The following CDH13 variants were observed in gnomAD, a reference collection of about 807,000 sequenced individuals.
CDH13 encodes cadherin 13.
A neutral mutation model predicts 63.8 loss-of-function variants in CDH13; 24 were observed. The ratio of observed to expected loss-of-function variants is 0.38; its 90% CI spans 0.27 to 0.53. CDH13 has a LOEUF of 0.53. Ranked by LOEUF, CDH13 falls within the 20% of genes least tolerant of loss-of-function variation. The pLI is 0.85. For missense variants in CDH13, 1,049 were observed against 903.1 expected (o/e 1.16, Z -2.07); for synonymous variants, 503 against 355.3 (o/e 1.42, Z -4.67).
chr16:82,705,480 A>C (rs1312087133), intron 1 of CDH13, among the ~76,000 whole-genome samples: 5 of 152,194 alleles, frequency 3.3e-5, no homozygotes, highest in African/African-American at 1.2e-4. Flanking sequence ...TCCCCATCTG[A>C]ATCTTTACTC....
chr16:83,496,688 G>A (rs2074152949), intron 7 of CDH13, among the ~76,000 whole-genome samples: 1 of 152,176 alleles, frequency 6.6e-6, no homozygotes, highest in Non-Finnish European at 1.5e-5. Context: ...AAGAGCTTCT[G>A]CACAGCAAAA....
chr16:83,698,145 A>G (rs1905670543), intron 10 of CDH13, among the ~76,000 whole-genome samples: 1 of 152,236 alleles, frequency 6.6e-6, no homozygotes, highest in South Asian at 2.1e-4. Context: ...TTGCAAATAA[A>G]TTATTTCCAA....
At chr16:83,524,759 AT>A (rs2074921098) in intron 7 of CDH13, among the ~76,000 whole-genome samples, 1 of 152,062 alleles carries the variant, frequency 6.6e-6, no homozygotes, top group Non-Finnish European at 1.5e-5. Flanking sequence ...GCCAAATTGC[AT>A]GTCTTAACAC....
At chr16:82,718,501 A>C (rs1450394025) in intron 1 of CDH13, among the ~76,000 whole-genome samples, 1 of 152,182 alleles carries the variant, frequency 6.6e-6, no homozygotes, top group Non-Finnish European at 1.5e-5. Context: ...TTAAGGAAGG[A>C]AACAGAAAGT....
chr16:83,239,366 C>G lies in CDH13; in HGVS notation c.636+21869C>G, dbSNP rs536911290. ...GAGAGAGGGGAAAGCCCTTTCTAAA[C>G]ACAGATTATACACCAAAGGCAATTA... On this transcript the variant is annotated intron_variant, in intron 5 of 13. Coordinates refer to ENST00000567109, the MANE Select transcript of CDH13 (RefSeq NM_001257.5). Among the ~76,000 whole-genome samples the G allele has an allele frequency of 3.3e-5, 5 of 152,308 alleles. No homozygotes were observed. The South Asian group carries it at 8.3e-4, about 25-fold the overall frequency.
intron 8 of CDH13, among the ~76,000 whole-genome samples, chr16:83,633,336 A>G (rs189652223): frequency 1.5e-4 from 23 of 152,302 alleles, no homozygotes; most frequent in African/African-American, 5.5e-4. Context: ...TTTATTGGCT[A>G]AGAACCCCGA....
In CDH13 at chr16:83,796,045, T is replaced by G. The variant is rs1904279288; in HGVS notation, c.*1015T>G. The G allele has an allele frequency of 6.6e-6, 1 of 152,628 alleles. No homozygotes were observed. Among genetic ancestry groups the G allele is most frequent in the African/African-American group, 2.4e-5 (1 of 41,440 alleles). 9.5% of individuals were successfully genotyped at this position (152,628 alleles called of 1,614,324 possible). A position where few individuals can be genotyped will look rare whatever the true frequency, so the allele number is the denominator to read the frequency against. On this transcript the variant is annotated 3_prime_UTR_variant, in exon 14 of 14. Coordinates refer to ENST00000567109, the MANE Select transcript of CDH13 (RefSeq NM_001257.5). The stretch of plus-strand genomic sequence containing the variant: ...GCTGTTTGTTTCATATATACAGGCA[T>G]AAAATAGAGTAAATACAGGTAGTTT...
chr16:83,623,500 AGCGGTGT>A (rs1910002073), intron 8 of CDH13, among the ~76,000 whole-genome samples: 1 of 152,132 alleles, frequency 6.6e-6, no homozygotes, highest in Non-Finnish European at 1.5e-5. Context: ...TCGGCCTCGG[AGCGGTGT>A]GCACAGAGGG....
chr16:83,518,481 G>GTTT (rs370361550), intron 7 of CDH13, among the ~76,000 whole-genome samples: 9 of 136,316 alleles, frequency 6.6e-5, no homozygotes, highest in South Asian at 4.9e-4. Flanking sequence ...TTTGTTTTTT[G>GTTT]TTTTTTTTTG....
At chr16:83,473,522 C>G (rs1275210198) in intron 6 of CDH13, among the ~76,000 whole-genome samples, 1 of 152,146 alleles carries the variant, frequency 6.6e-6, no homozygotes, top group Non-Finnish European at 1.5e-5. Context: ...AGGTCACTTA[C>G]CTAACAGGTG....
intron 2 of CDH13, among the ~76,000 whole-genome samples, chr16:82,864,941 C>G (rs2040073830): frequency 1.3e-5 from 2 of 152,204 alleles, no homozygotes; most frequent in Admixed American, 1.3e-4. Context: ...AATACACTCA[C>G]TCCAAATGGG....
chr16:82,769,552 G>A (rs1295564165), intron 1 of CDH13, among the ~76,000 whole-genome samples: 1 of 152,166 alleles, frequency 6.6e-6, no homozygotes, highest in Non-Finnish European at 1.5e-5. Context: ...GAGGACATTA[G>A]TGGCCATTGA....
chr16:83,146,664 G>A (rs529470915), intron 4 of CDH13, among the ~76,000 whole-genome samples: 7 of 152,344 alleles, frequency 4.6e-5, no homozygotes, highest in African/African-American at 1.4e-4. Flanking sequence ...AACTGCAGCA[G>A]CAGCTGGAGA....
intron 6 of CDH13, among the ~76,000 whole-genome samples, chr16:83,387,862 C>T (rs1372712116): frequency 6.6e-6 from 1 of 152,154 alleles, no homozygotes; most frequent in Non-Finnish European, 1.5e-5. Flanking sequence ...CACAGCATGT[C>T]CAAGTGCTAG....
intron 1 of CDH13, among the ~76,000 whole-genome samples, chr16:82,850,162 G>T (rs2039424313): frequency 6.6e-6 from 1 of 152,162 alleles, no homozygotes; most frequent in Non-Finnish European, 1.5e-5. Context: ...AGGACAAAAT[G>T]AGTCAAAAAC....
intron 4 of CDH13, among the ~76,000 whole-genome samples, chr16:83,146,609 A>G (rs8053417): frequency 6.6e-6 from 1 of 152,086 alleles, no homozygotes; most frequent in Admixed American, 6.5e-5. Context: ...GAGCAGTTAT[A>G]TGTGTATGTC....
chr16:83,123,241 T>C (rs1027574544), intron 3 of CDH13, among the ~76,000 whole-genome samples: 1 of 151,708 alleles, frequency 6.6e-6, no homozygotes, highest in Non-Finnish European at 1.5e-5. Flanking sequence ...TATTTACATA[T>C]ATGTATAGAT....
At chr16:83,787,250 AGGGCCAGGTGG>A (rs1488130873) in intron 13 of CDH13, among the ~76,000 whole-genome samples, 5 of 152,224 alleles carry the variant, frequency 3.3e-5, no homozygotes, top group South Asian at 2.1e-4. Context: ...TTTTCTGTAA[AGGGCCAGGTGG>A]CTTTGTGGGC....
intron 6 of CDH13, among the ~76,000 whole-genome samples, chr16:83,353,973 A>T (rs1203947556): frequency 1.3e-5 from 2 of 152,258 alleles, no homozygotes; most frequent in African/African-American, 2.4e-5. Flanking sequence ...AATATTTAAA[A>T]ATAAAAGTAA....
Sources: gnomAD v4.1 joint callset for allele counts (sites outside exome capture counted in the v4.1 genomes callset) on GRCh38, gnomAD v4.1.1 for gene constraint, MANE v1.5 for transcripts, NCBI Gene and HGNC (gene_info 2026-07-23, HGNC 2026-07-21) for gene names.